KMT2C: variants seen among roughly 807,000 people sequenced by gnomAD.
KMT2C encodes the protein lysine methyltransferase 2C, also known as histone-lysine N-methyltransferase 2C.
A neutral mutation model predicts 507.9 loss-of-function variants in KMT2C; 88 were observed. That is an observed-to-expected ratio of 0.17 (90% confidence interval 0.15 to 0.21). The LOEUF is 0.21. Ranked by LOEUF, KMT2C falls within the 10% of genes least tolerant of loss-of-function variation. The pLI, the probability that KMT2C is intolerant of heterozygous loss-of-function variation, is 1.00. For missense variants in KMT2C, 4,954 were observed against 5,957.8 expected, an observed-to-expected ratio of 0.83 and a Z score of 5.55; for synonymous variants, 2,049 against 2,080.8, an observed-to-expected ratio of 0.98 and a Z score of 0.42.
At chr7:152,422,806 G>A (rs909508150) in intron 1 of KMT2C, among the ~76,000 whole-genome samples, 5 of 151,604 alleles carry the variant, frequency 3.3e-5, no homozygotes, top group African/African-American at 7.3e-5. Context: ...GGCAGATCAC[G>A]AGGTCAGGAG....
At chr7:152,384,728 T>A (rs973147508) in intron 1 of KMT2C, among the ~76,000 whole-genome samples, 2 of 147,254 alleles carry the variant, frequency 1.4e-5, no homozygotes, top group African/African-American at 4.9e-5. Flanking sequence ...TTTAAAAATT[T>A]ATTAATCACA....
At chr7:152,306,869 T>C (rs1024604521) in intron 6 of KMT2C, among the ~76,000 whole-genome samples, 3 of 152,140 alleles carry the variant, frequency 2.0e-5, no homozygotes, top group Non-Finnish European at 2.9e-5. Flanking sequence ...TGAAGAATAA[T>C]GAACAAAAGC....
chr7:152,324,639 A>G (rs2096808589), intron 3 of KMT2C, among the ~76,000 whole-genome samples: 1 of 151,948 alleles, frequency 6.6e-6, no homozygotes, highest in Non-Finnish European at 1.5e-5. Flanking sequence ...TTTGAATTGA[A>G]CTGGTAATGA....
intron 26 of KMT2C, 124 bp downstream of exon 26, chr7:152,202,809 GA>G: frequency 1.3e-6 from 1 of 798,970 alleles, no homozygotes; most frequent in Non-Finnish European, 1.9e-6. Context: ...TGGCATTTAT[GA>G]TGACTAAATG....
intron 1 of KMT2C, among the ~76,000 whole-genome samples, chr7:152,393,537 C>A (rs1589697523): frequency 6.6e-6 from 1 of 152,318 alleles, no homozygotes; most frequent in East Asian, 1.9e-4. Flanking sequence ...ATTATCATGG[C>A]TGCAAGGAAC....
Position 152,368,685 on chromosome 7 carries a change from G to GT in KMT2C, c.162-10011dup, listed in dbSNP as rs553928428. On this transcript the variant is annotated intron_variant, in intron 1 of 58. Coordinates refer to ENST00000262189, the MANE Select transcript of KMT2C (RefSeq NM_170606.3). ...AAACTCTCTATTGACCACCAGTTAC[G>GT]TATTAGTTGCCAATATGCCAGCTTG... is the stretch of plus-strand genomic sequence containing the variant. 395 of 1,420,716 alleles carry GT rather than the reference G, an allele frequency of 2.8e-4. 6 individuals carry two copies. In the South Asian group the frequency reaches 4.6e-3, roughly 16 times the overall value. 88.0% of individuals were successfully genotyped at this position (1,420,716 alleles called of 1,614,324 possible). A position where few individuals can be genotyped will look rare whatever the true frequency, so the allele number is the denominator to read the frequency against.
chr7:152,183,519 C>T (rs183096566), intron 34 of KMT2C, among the ~76,000 whole-genome samples: 5 of 151,616 alleles, frequency 3.3e-5, no homozygotes, highest in South Asian at 2.1e-4. Flanking sequence ...CCCAGCACTT[C>T]GGGAGGCCAA....
In KMT2C at chr7:152,180,902, G is replaced by C. The variant is rs887554056; in HGVS notation, c.6958C>G (p.His2320Asp). The C allele has an allele frequency of 7.4e-6, 12 of 1,614,030 alleles. No homozygotes were observed. In the African/African-American group the frequency reaches 1.6e-4, roughly 22 times the overall value. Residue 2320 changes from histidine (H) to aspartate (D), a missense_variant, in exon 36 of 59, where the codon CAT becomes GAT. Physicochemically the swap from His to Asp is moderately conservative, Grantham distance 81. This residue lies in a region of KMT2C where 1,689 missense variants were observed against 1,654.3 expected (regional missense o/e 1.02). Transcript: ENST00000262189. ...GGCCTTGGCTGATCAGCAACATCATGGGCAGTTTGACTTGTTCCAAAAGAG... is the reference window on the plus strand; with the variant it reads ...GGCCTTGGCTGATCAGCAACATCATCGGCAGTTTGACTTGTTCCAAAAGAG... ...SDSFGTSQTA[H>D]DVADQPRPGS...
intron 1 of KMT2C, among the ~76,000 whole-genome samples, chr7:152,399,456 C>A (rs984667707): frequency 5.3e-5 from 8 of 152,076 alleles, no homozygotes; most frequent in Admixed American, 5.2e-4. Flanking sequence ...AGAGAGGAAA[C>A]TAGTGAACCT....
chr7:152,424,275 A>G (rs1471510169), intron 1 of KMT2C, among the ~76,000 whole-genome samples: 1 of 152,256 alleles, frequency 6.6e-6, no homozygotes, highest in African/African-American at 2.4e-5. Flanking sequence ...TACCACACCC[A>G]GCTCCAAATA....
At chr7:152,314,585 G>T (rs932387615) in intron 4 of KMT2C, among the ~76,000 whole-genome samples, 2 of 151,762 alleles carry the variant, frequency 1.3e-5, no homozygotes, top group Non-Finnish European at 2.9e-5. Context: ...GGCAGGGGAG[G>T]GAGGGAGGGA....
At chr7:152,143,317 T>C (rs575367348) in intron 55 of KMT2C, among the ~76,000 whole-genome samples, 3 of 152,144 alleles carry the variant, frequency 2.0e-5, no homozygotes, top group Admixed American at 6.5e-5. Flanking sequence ...TCTCTAAAAA[T>C]AGACAAGAAA....
intron 9 of KMT2C, among the ~76,000 whole-genome samples, chr7:152,255,129 A>G (rs1281874024): frequency 4.7e-5 from 6 of 127,934 alleles, no homozygotes; most frequent in Non-Finnish European, 8.3e-5. Context: ...ATATATATAT[A>G]TATATATATA....
chr7:152,280,864 A>C (rs1226592534), intron 6 of KMT2C, among the ~76,000 whole-genome samples: 1 of 152,166 alleles, frequency 6.6e-6, no homozygotes, highest in African/African-American at 2.4e-5. Flanking sequence ...TTTTTTAAAC[A>C]TTATACTTAC....
At chr7:152,385,037 C>A (rs548873059) in intron 1 of KMT2C, among the ~76,000 whole-genome samples, 5 of 152,046 alleles carry the variant, frequency 3.3e-5, no homozygotes, top group South Asian at 2.1e-4. Flanking sequence ...TGAAAGAATG[C>A]ACCACAATAT....
intron 3 of KMT2C, among the ~76,000 whole-genome samples, chr7:152,327,957 C>CAAA (rs371396057): frequency 8.9e-5 from 7 of 78,674 alleles, no homozygotes; most frequent in Non-Finnish European, 1.7e-4. Flanking sequence ...GACTCCGCCT[C>CAAA]AAAAAAAAAA....
chr7:152,372,534 A>G (rs1006218859), intron 1 of KMT2C, among the ~76,000 whole-genome samples: 4 of 152,200 alleles, frequency 2.6e-5, no homozygotes, highest in Non-Finnish European at 4.4e-5. Context: ...CTGAGGCTGA[A>G]AGTGAAGAGA....
chr7:152,321,783 G>T lies in KMT2C; in HGVS notation c.390-6445C>A, dbSNP rs183687600. On this transcript the variant is annotated intron_variant, in intron 3 of 58. Coordinates refer to ENST00000262189, the MANE Select transcript of KMT2C (RefSeq NM_170606.3). ...GAAATTTAAGAAAACATCAAGAAAT[G>T]GGAAGATATCCTATGTTCATGGACT... Among the ~76,000 whole-genome samples, 7 of 151,930 alleles carry T rather than the reference G, an allele frequency of 4.6e-5. 1 individual carries two copies. The highest frequency in any genetic ancestry group is 1.0e-4 in the Non-Finnish European group (7 of 67,924).
chr7:152,376,360 C>A lies in KMT2C; in HGVS notation c.162-17685G>T, dbSNP rs544581071. Among the ~76,000 whole-genome samples, 52 of 152,262 alleles carry A rather than the reference C, an allele frequency of 3.4e-4. 1 individual carries two copies. Among genetic ancestry groups the A allele is most frequent in the East Asian group, 9.6e-4 (5 of 5,186 alleles). Reference sequence around the variant, plus strand: ...GCCTCTCACTTTAACTGAAAAGCTACAAATGATTAATCTTAGTGGGGAAGG... The same window carrying A: ...GCCTCTCACTTTAACTGAAAAGCTAAAAATGATTAATCTTAGTGGGGAAGG... On this transcript the variant is annotated intron_variant, in intron 1 of 58. Coordinates refer to ENST00000262189, the MANE Select transcript of KMT2C (RefSeq NM_170606.3).
Sources: gnomAD v4.1 joint callset for allele counts (sites outside exome capture counted in the v4.1 genomes callset) on GRCh38, gnomAD v4.1.1 for gene constraint, gnomAD v4.1.1 regional missense constraint, MANE v1.5 for transcripts, NCBI Gene and HGNC (gene_info 2026-07-23, HGNC 2026-07-21) for gene names.